NSMCE2: variants seen among roughly 807,000 people sequenced by gnomAD.
The protein encoded by NSMCE2 is E3 SUMO-protein ligase NSE2.
In NSMCE2, 24 loss-of-function variants were observed where a neutral mutation model predicts 23.8. The observed-to-expected ratio is 1.01, with a 90% CI of 0.73 to 1.42. The LOEUF (loss-of-function observed/expected upper bound fraction) is 1.42. Among genes scored for constraint, NSMCE2 ranks in the 40% most tolerant of loss-of-function variants. NSMCE2 has a pLI of 0.00. For synonymous variants in NSMCE2, 92 were observed against 94.1 expected, an observed-to-expected ratio of 0.98 and a Z score of 0.13; for missense variants, 284 against 296.5, an observed-to-expected ratio of 0.96 and a Z score of 0.31.
chr8:125,336,946 A>G (rs949818932), intron 5 of NSMCE2, among the ~76,000 whole-genome samples: 2 of 152,236 alleles, frequency 1.3e-5, no homozygotes, highest in African/African-American at 4.8e-5. Flanking sequence ...CCTCCAGCTA[A>G]CACTGTGATT....
At chr8:125,267,844 G>A (rs1301888411) in intron 5 of NSMCE2, among the ~76,000 whole-genome samples, 1 of 152,036 alleles carries the variant, frequency 6.6e-6, no homozygotes, top group Admixed American at 6.6e-5. Flanking sequence ...AGTGAGAGAT[G>A]GCCTCATCAA....
chr8:125,243,313 T>G (rs1214946213), intron 5 of NSMCE2, among the ~76,000 whole-genome samples: 2 of 152,182 alleles, frequency 1.3e-5, no homozygotes, highest in African/African-American at 4.8e-5. Context: ...AGTAGTGCTA[T>G]GTTTAAAGTC....
intron 3 of NSMCE2, among the ~76,000 whole-genome samples, chr8:125,150,426 C>CTTTTTTTTTT (rs71295819): frequency 1.2e-3 from 74 of 61,874 alleles, no homozygotes; most frequent in African/African-American, 2.7e-3. Context: ...TTCTTTCTTT[C>CTTTTTTTTTT]TTTTTTTTTT....
intron 5 of NSMCE2, among the ~76,000 whole-genome samples, chr8:125,206,251 T>C (rs1824113666): frequency 6.6e-6 from 1 of 152,190 alleles, no homozygotes; most frequent in South Asian, 2.1e-4. Flanking sequence ...TCAGATCATA[T>C]GTATATGGGA....
chr8:125,095,882 C>CAA (rs1174381155), intron 1 of NSMCE2, among the ~76,000 whole-genome samples: 9 of 65,606 alleles, frequency 1.4e-4, no homozygotes, highest in East Asian at 4.2e-4. Context: ...AACTCCATCT[C>CAA]AAAAAAAAAA....
In NSMCE2 at chr8:125,172,310, T is replaced by C. The variant is rs1478018507; in HGVS notation, c.265-9793T>C. ...CAGGGAAAGCTGAGAGAATTTCTGG[T>C]TCTTACTGCAGTGCAATATCACTCC... On this transcript the variant is annotated intron_variant, in intron 4 of 7. Transcript: ENST00000287437. Among the ~76,000 whole-genome samples, 3 of 152,336 alleles carry C rather than the reference T, an allele frequency of 2.0e-5. No homozygotes were observed. In the East Asian group the frequency reaches 5.8e-4, roughly 29 times the overall value.
chr8:125,163,544 C>T (rs140423860), intron 4 of NSMCE2, among the ~76,000 whole-genome samples: 100 of 152,278 alleles, frequency 6.6e-4, no homozygotes, highest in Middle Eastern at 6.8e-3. Flanking sequence ...AATAATAGTA[C>T]TTGGCCTACA....
intron 5 of NSMCE2, among the ~76,000 whole-genome samples, chr8:125,218,497 C>T (rs908672509): frequency 3.3e-5 from 5 of 151,620 alleles, no homozygotes; most frequent in African/African-American, 7.3e-5. Flanking sequence ...CTGCAACCTC[C>T]GCATCTTGGG....
intron 5 of NSMCE2, among the ~76,000 whole-genome samples, chr8:125,202,134 G>T (rs1159732295): frequency 6.6e-6 from 1 of 152,194 alleles, no homozygotes; most frequent in African/African-American, 2.4e-5. Context: ...GCTTCCCTTG[G>T]CTAGGAAAGG....
chr8:125,106,047 TACACAC>T (rs138450338), intron 3 of NSMCE2, among the ~76,000 whole-genome samples: 34 of 148,236 alleles, frequency 2.3e-4, no homozygotes, highest in African/African-American at 3.5e-4. Flanking sequence ...TGTGTGTGCA[TACACAC>T]ACACACACAC....
chr8:125,106,662 G>A lies in NSMCE2; in HGVS notation c.157+4175G>A, dbSNP rs549609615. Among the ~76,000 whole-genome samples the A allele has an allele frequency of 1.8e-4, 27 of 151,304 alleles. No homozygotes were observed. In the South Asian group the frequency reaches 2.3e-3, roughly 13 times the overall value. On this transcript the variant is annotated intron_variant, in intron 3 of 7. Coordinates refer to ENST00000287437, the MANE Select transcript of NSMCE2 (RefSeq NM_173685.4). The stretch of plus-strand genomic sequence containing the variant: ...ATCAGGCCACTGCACTCCAGCCTGG[G>A]CGACAGAGCAAGACTCCATCTCAAA...
chr8:125,186,951 C>G (rs146345765), intron 5 of NSMCE2, among the ~76,000 whole-genome samples: 1 of 152,312 alleles, frequency 6.6e-6, no homozygotes, highest in Non-Finnish European at 1.5e-5. Context: ...TTAGATATAA[C>G]ATCTTTGAAC....
At chr8:125,225,349 T>C (rs1586637197) in intron 5 of NSMCE2, among the ~76,000 whole-genome samples, 1 of 152,188 alleles carries the variant, frequency 6.6e-6, no homozygotes, top group Admixed American at 6.5e-5. Flanking sequence ...ACAACCTCTT[T>C]CTGTCCTTTC....
chr8:125,331,292 T>A (rs1829867215), intron 5 of NSMCE2, among the ~76,000 whole-genome samples: 1 of 152,064 alleles, frequency 6.6e-6, no homozygotes, highest in Admixed American at 6.6e-5. Context: ...AGAGCGAGAC[T>A]CCGTCTCAAA....
chr8:125,106,202 T>C lies in NSMCE2; in HGVS notation c.157+3715T>C, dbSNP rs946025716. Among the ~76,000 whole-genome samples, 5 of 152,192 alleles carry C rather than the reference T, an allele frequency of 3.3e-5. No homozygotes were observed. In the East Asian group the frequency reaches 9.6e-4, roughly 29 times the overall value. ...AAGTATTAAGTAGTTCTTCCCTTCA[T>C]AGAGTTTACCATCTTAGTGGGAAGA... On this transcript the variant is annotated intron_variant, in intron 3 of 7. Transcript: ENST00000287437.
chr8:125,111,978 A>G (rs1818776020), intron 3 of NSMCE2, among the ~76,000 whole-genome samples: 1 of 152,080 alleles, frequency 6.6e-6, no homozygotes, highest in Non-Finnish European at 1.5e-5. Context: ...TGAGTCGGGG[A>G]GATTTCTTTT....
intron 3 of NSMCE2, among the ~76,000 whole-genome samples, chr8:125,111,199 C>A (rs1818729909): frequency 6.6e-6 from 1 of 152,160 alleles, no homozygotes; most frequent in African/African-American, 2.4e-5. Context: ...CTTCAGAGTT[C>A]ATGATGAGTA....
chr8:125,335,870 TGTGTCATCTAAAGAGACGATATA>T (rs1398986997), intron 5 of NSMCE2, among the ~76,000 whole-genome samples: 1 of 152,224 alleles, frequency 6.6e-6, no homozygotes, highest in African/African-American at 2.4e-5. Flanking sequence ...GGTAGGTTGG[TGTGTCATCTAAAGAGACGATATA>T]GTGTCATCAA....
intron 4 of NSMCE2, among the ~76,000 whole-genome samples, chr8:125,156,769 A>G (rs1385241100): frequency 6.6e-6 from 1 of 152,218 alleles, no homozygotes; most frequent in Non-Finnish European, 1.5e-5. Flanking sequence ...GGTATAGTTT[A>G]TCTCAGCTCT....
Sources: gnomAD v4.1 joint callset for allele counts (sites outside exome capture counted in the v4.1 genomes callset) on GRCh38, gnomAD v4.1.1 for gene constraint, MANE v1.5 for transcripts, NCBI Gene and HGNC (gene_info 2026-07-23, HGNC 2026-07-21) for gene names.